The following PARVB variants were observed in gnomAD, a reference collection of about 807,000 sequenced individuals.
PARVB encodes parvin beta, also known as beta-parvin.
PARVB carries 46 observed loss-of-function variants against 47.0 expected under a neutral mutation model. The observed-to-expected ratio is 0.98, with a 90% confidence interval of 0.77 to 1.25. PARVB has a LOEUF of 1.25. Ranked by LOEUF, PARVB falls within the 50% of genes most tolerant of loss-of-function variation. The probability of loss-of-function intolerance (pLI) is 0.00; values close to 1 mark genes in which losing one functional copy is unlikely to be tolerated. For missense variants in PARVB, 473 were observed against 471.6 expected, an observed-to-expected ratio of 1.00 and a Z score of -0.03; for synonymous variants, 196 against 196.3, an observed-to-expected ratio of 1.00 and a Z score of 0.01.
intron 12 of PARVB, among the ~76,000 whole-genome samples, chr22:44,166,876 A>G (rs139090): frequency 0.019 from 2,905 of 152,338 alleles, 48 homozygotes; most frequent in East Asian, 0.081. Context: ...GATAAGAATG[A>G]CACGGAGAAT....
At chr22:44,091,718 A>G (rs1473173050) in intron 1 of PARVB, among the ~76,000 whole-genome samples, 6 of 152,136 alleles carry the variant, frequency 3.9e-5, no homozygotes, top group African/African-American at 1.4e-4. Flanking sequence ...TTACTCATTC[A>G]TCTGGTGTTC....
intron 10 of PARVB, 158 bp downstream of exon 10, chr22:44,151,709 G>A (rs536425627): frequency 6.5e-6 from 4 of 611,482 alleles, no homozygotes; most frequent in South Asian, 5.4e-5. Context: ...GGCCTTCTCA[G>A]CCCCTCTGTC....
At chr22:44,060,210 G>A (rs1190609611) in intron 1 of PARVB, among the ~76,000 whole-genome samples, 1 of 152,080 alleles carries the variant, frequency 6.6e-6, no homozygotes. Flanking sequence ...CAGCTACTTG[G>A]GAGGCTGAGG....
intron 3 of PARVB, chr22:44,108,983 C>G (rs1402709632): frequency 6.6e-6 from 1 of 152,236 alleles, no homozygotes; most frequent in Non-Finnish European, 1.5e-5. Flanking sequence ...AGCAGGCTGA[C>G]TGCATGTCAT....
intron 1 of PARVB, among the ~76,000 whole-genome samples, chr22:44,048,811 C>T (rs1056021881): frequency 1.3e-5 from 2 of 152,110 alleles, no homozygotes; most frequent in African/African-American, 4.8e-5. Flanking sequence ...CCGCCTGCCT[C>T]GGCCTCTCAA....
At chr22:44,035,228 T>C (rs570579886) in intron 1 of PARVB, among the ~76,000 whole-genome samples, 23 of 152,344 alleles carry the variant, frequency 1.5e-4, no homozygotes, top group African/African-American at 4.8e-4. Flanking sequence ...TGTTTATTGA[T>C]GCTGCACGTT....
intron 6 of PARVB, among the ~76,000 whole-genome samples, chr22:44,133,556 T>C (rs1430585776): frequency 1.3e-5 from 2 of 152,250 alleles, no homozygotes; most frequent in Non-Finnish European, 2.9e-5. Context: ...TTTTATGTTT[T>C]GTGAAAGGGT....
intron 8 of PARVB, chr22:44,146,465 C>T (rs1421154903): frequency 6.6e-6 from 1 of 152,412 alleles, no homozygotes; most frequent in African/African-American, 2.4e-5. Context: ...CATACACTTT[C>T]CTTCTCTCCT....
At chr22:44,159,714 C>G (rs1215484465) in intron 11 of PARVB, among the ~76,000 whole-genome samples, 1 of 152,194 alleles carries the variant, frequency 6.6e-6, no homozygotes, top group Non-Finnish European at 1.5e-5. Context: ...TATTTATTAT[C>G]TACCTTGTAG....
At chr22:44,122,633 G>A (rs1014204568) in intron 4 of PARVB, among the ~76,000 whole-genome samples, 2 of 134,452 alleles carry the variant, frequency 1.5e-5, no homozygotes, top group Non-Finnish European at 3.2e-5. Context: ...TCTCTCCCAC[G>A]TATACACTCC....
At chr22:44,124,305 G>T (rs1023375979) in intron 4 of PARVB, among the ~76,000 whole-genome samples, 3 of 152,216 alleles carry the variant, frequency 2.0e-5, no homozygotes, top group Admixed American at 6.5e-5. Flanking sequence ...GTGGCCTCAA[G>T]AACCCAGTGT....
intron 1 of PARVB, among the ~76,000 whole-genome samples, chr22:44,038,739 G>A (rs2050965034): frequency 6.6e-6 from 1 of 152,066 alleles, no homozygotes; most frequent in African/African-American, 2.4e-5. Flanking sequence ...CTGAGATCAC[G>A]CCACTGCACT....
upstream of PARVB, chr22:44,024,202 C>G: frequency 3.3e-6 from 1 of 304,270 alleles, no homozygotes; most frequent in South Asian, 1.2e-4. Context: ...ATCCGGGACG[C>G]CGGGGCCGCG....
At chr22:44,129,540 G>A (rs948832746) in intron 4 of PARVB, among the ~76,000 whole-genome samples, 1 of 152,208 alleles carries the variant, frequency 6.6e-6, no homozygotes, top group African/African-American at 2.4e-5. Context: ...AGACCACCCA[G>A]TTCTGTATGA....
In PARVB at chr22:44,103,783, GGGGCCATGC is replaced by G; in HGVS notation, c.273+3661_273+3669del. On this transcript the variant is annotated intron_variant, in intron 3 of 12. Transcript: ENST00000338758. This position sits in a 1 kb window ranked among gnomAD's most constrained non-coding sequence, Gnocchi z 4.6. ...GCTTCTGGCTCTGAAGATGGAAGAA[GGGGCCATGC>G]ACTAATGGATGCAGGCGGCCTCTGC... 6.6e-6 allele frequency: 1 copy of G among 152,232 alleles called. No individual in the cohort carries two copies. The highest frequency in any genetic ancestry group is 1.5e-5 in the Non-Finnish European group (1 of 68,054). 9.4% of individuals were successfully genotyped at this position (152,232 alleles called of 1,614,324 possible). A position where few individuals can be genotyped will look rare whatever the true frequency, so the allele number is the denominator to read the frequency against.
At chr22:44,109,596 G>A (rs1351961030) in intron 3 of PARVB, 1 of 152,234 alleles carries the variant, frequency 6.6e-6, no homozygotes, top group Non-Finnish European at 1.5e-5. Flanking sequence ...TCCTCGGGGT[G>A]GCAGTGGAAC....
intron 1 of PARVB, among the ~76,000 whole-genome samples, chr22:44,062,186 C>A (rs1333784196): frequency 6.6e-6 from 1 of 152,204 alleles, no homozygotes; most frequent in Non-Finnish European, 1.5e-5. Context: ...CTCCAGCAGA[C>A]ACCAGCTGGG....
chr22:43,999,693 CTG>C (rs2050391667), intron 2 of PARVB: 5 of 1,590,640 alleles, frequency 3.1e-6, no homozygotes, highest in Non-Finnish European at 4.3e-6. Flanking sequence ...GGGGGAAAAA[CTG>C]TCAGAAAGTG....
chr22:44,024,316 C>A lies in PARVB; in HGVS notation c.-24C>A, dbSNP rs539445484. On this transcript the variant is annotated 5_prime_UTR_variant, in exon 1 of 13. Coordinates refer to ENST00000338758, the MANE Select transcript of PARVB (RefSeq NM_013327.5). ...CGGGCGGCTCCACACGCGCTGCGCC[C>A]GCCGCCGGCCCCACGCGCGGCCCAT... The A allele has an allele frequency of 3.0e-6, 3 of 1,016,266 alleles. No homozygotes were observed. The highest frequency in any genetic ancestry group is 1.7e-5 in the African/African-American group (1 of 57,460). 63.0% of individuals were successfully genotyped at this position (1,016,266 alleles called of 1,614,324 possible). A position where few individuals can be genotyped will look rare whatever the true frequency, so the allele number is the denominator to read the frequency against.
Sources: gnomAD v4.1 joint callset for allele counts (sites outside exome capture counted in the v4.1 genomes callset) on GRCh38, gnomAD v4.1.1 for gene constraint, Gnocchi (gnomAD v3.1) non-coding constraint, MANE v1.5 for transcripts, NCBI Gene and HGNC (gene_info 2026-07-23, HGNC 2026-07-21) for gene names.